LRBA: variants seen among roughly 807,000 people sequenced by gnomAD.
LRBA encodes the protein lipopolysaccharide-responsive and beige-like anchor protein.
Under a neutral mutation model 330.0 loss-of-function variants are expected in LRBA, and 176 were observed. That is an observed-to-expected ratio of 0.53 (90% CI 0.47 to 0.60). The LOEUF (loss-of-function observed/expected upper bound fraction) is 0.60. LRBA is among the 20% of genes least tolerant of loss of function. LRBA has a pLI of 0.00. For missense variants in LRBA, 3,259 were observed against 3,444.8 expected, an observed-to-expected ratio of 0.95 and a Z score of 1.35; for synonymous variants, 1,230 against 1,193.0, an observed-to-expected ratio of 1.03 and a Z score of -0.64.
intron 36 of LRBA, among the ~76,000 whole-genome samples, chr4:150,684,676 A>G (rs12509782): frequency 0.12 from 18,338 of 152,200 alleles, 1,315 homozygotes; most frequent in Admixed American, 0.19. Flanking sequence ...ATTGTTTAAA[A>G]TAAGAAAACA....
chr4:150,679,982 T>A (rs1478035643), intron 37 of LRBA, among the ~76,000 whole-genome samples: 2 of 152,160 alleles, frequency 1.3e-5, no homozygotes, highest in Admixed American at 1.3e-4. Flanking sequence ...TTCTCCATCA[T>A]CTCTCCTCAT....
At position 150,692,226 on chromosome 4, in the gene LRBA, G is replaced by A. The variant is rs151124333; in HGVS notation, c.5755-8509C>T. Reference sequence around the variant, plus strand: ...GAAGTGTTTGTTTGTTTGTTTGTTTGTTTGTTTTTTCAGGCAGGATTTCAC... The same window carrying A: ...GAAGTGTTTGTTTGTTTGTTTGTTTATTTGTTTTTTCAGGCAGGATTTCAC... On this transcript the variant is annotated intron_variant, in intron 36 of 56. Coordinates refer to ENST00000651943, the MANE Select transcript of LRBA (RefSeq NM_001364905.1). 4.2e-3 allele frequency among the ~76,000 whole-genome samples: 638 copies of A among 151,182 alleles called. 4 individuals carry two copies. The highest frequency in any genetic ancestry group is 0.014 in the African/African-American group (575 of 40,642).
intron 48 of LRBA, among the ~76,000 whole-genome samples, chr4:150,333,661 T>G (rs1734268765): frequency 6.6e-6 from 1 of 152,198 alleles, no homozygotes; most frequent in African/African-American, 2.4e-5. Flanking sequence ...GAACTTAAAT[T>G]GTAGAACACT....
At chr4:151,005,484 G>T (rs1456282999) in intron 2 of LRBA, among the ~76,000 whole-genome samples, 1 of 136,390 alleles carries the variant, frequency 7.3e-6, no homozygotes, top group Non-Finnish European at 1.5e-5. Context: ...TACCACATTA[G>T]ATGAGAGCTA....
chr4:150,802,374 A>G (rs914994517), intron 33 of LRBA, among the ~76,000 whole-genome samples: 2 of 151,098 alleles, frequency 1.3e-5, no homozygotes, highest in African/African-American at 4.9e-5. Context: ...ATTTTAGTCC[A>G]CAGCATAGTA....
chr4:150,846,011 T>C (rs1234949413), intron 26 of LRBA, among the ~76,000 whole-genome samples: 2 of 152,114 alleles, frequency 1.3e-5, no homozygotes, highest in African/African-American at 2.4e-5. Context: ...CCAGTGTCCA[T>C]CAACAGATAA....
chr4:150,267,608 C>T (rs549972923), intron 56 of LRBA, among the ~76,000 whole-genome samples: 3 of 151,980 alleles, frequency 2.0e-5, no homozygotes, highest in Admixed American at 2.0e-4. Flanking sequence ...TCTTAAGGAA[C>T]TAGAAAACAG....
intron 37 of LRBA, among the ~76,000 whole-genome samples, chr4:150,634,007 C>T (rs77636254): frequency 3.3e-5 from 5 of 151,986 alleles, no homozygotes; most frequent in Admixed American, 6.6e-5. Flanking sequence ...TCCAGTTACT[C>T]GGATGGCTGA....
At chr4:150,417,123 T>C (rs949458927) in intron 46 of LRBA, among the ~76,000 whole-genome samples, 1 of 152,052 alleles carries the variant, frequency 6.6e-6, no homozygotes, top group African/African-American at 2.4e-5. Context: ...ATATACAAAG[T>C]GATTTTTAAA....
At chr4:150,592,024 T>C (rs1425073453) in intron 38 of LRBA, among the ~76,000 whole-genome samples, 1 of 151,768 alleles carries the variant, frequency 6.6e-6, no homozygotes, top group African/African-American at 2.4e-5. Flanking sequence ...AATGGTGTCA[T>C]ATAAGGGAAA....
chr4:150,291,149 T>C (rs1223120644), intron 53 of LRBA, among the ~76,000 whole-genome samples: 2 of 139,332 alleles, frequency 1.4e-5, no homozygotes, highest in African/African-American at 5.4e-5. Flanking sequence ...ATATTCCCCT[T>C]CCTGTGTCCA....
intron 47 of LRBA, among the ~76,000 whole-genome samples, chr4:150,372,947 G>A (rs1581140402): frequency 6.6e-6 from 1 of 151,826 alleles, no homozygotes; most frequent in Non-Finnish European, 1.5e-5. Context: ...TGAATCATTT[G>A]ATCTGAGAAA....
intron 2 of LRBA, among the ~76,000 whole-genome samples, chr4:151,011,752 G>A (rs539241927): frequency 2.0e-5 from 3 of 151,618 alleles, no homozygotes; most frequent in Non-Finnish European, 2.9e-5. Flanking sequence ...GTAGCTCACT[G>A]TAGCCTCGAA....
chr4:150,536,476 T>G (rs76535921), intron 40 of LRBA, among the ~76,000 whole-genome samples: 22,938 of 152,160 alleles, frequency 0.15, 1,741 homozygotes, highest in Middle Eastern at 0.18. Context: ...CGGTCGATTT[T>G]GGGGCACAAA....
chr4:150,452,837 C>T (rs1225187617), intron 44 of LRBA, among the ~76,000 whole-genome samples: 1 of 152,076 alleles, frequency 6.6e-6, no homozygotes. Flanking sequence ...TACAAAAAGG[C>T]TGCTAGTAAT....
intron 43 of LRBA, among the ~76,000 whole-genome samples, chr4:150,470,247 T>C (rs574567266): frequency 1.3e-5 from 2 of 152,322 alleles, no homozygotes; most frequent in South Asian, 4.1e-4. Flanking sequence ...CCATTCATTC[T>C]GAAGTCTCCC....
intron 28 of LRBA, among the ~76,000 whole-genome samples, chr4:150,838,952 G>A (rs573297474): frequency 1.4e-4 from 22 of 152,150 alleles, no homozygotes; most frequent in African/African-American, 5.1e-4. Context: ...GAGTGAACAG[G>A]CAACCTACAG....
chr4:150,352,530 C>T (rs1166860318), intron 47 of LRBA, among the ~76,000 whole-genome samples: 2 of 152,234 alleles, frequency 1.3e-5, no homozygotes, highest in Non-Finnish European at 1.5e-5. Flanking sequence ...TTGTTTTAGA[C>T]ATCTCTTCTA....
chr4:150,727,262 C>A (rs895347243), intron 36 of LRBA, among the ~76,000 whole-genome samples: 1 of 151,726 alleles, frequency 6.6e-6, no homozygotes, highest in Admixed American at 6.6e-5. Context: ...TTAGTAGAGA[C>A]GGGGTTTCGC....
Sources: gnomAD v4.1 joint callset for allele counts (sites outside exome capture counted in the v4.1 genomes callset) on GRCh38, gnomAD v4.1.1 for gene constraint, MANE v1.5 for transcripts, NCBI Gene and HGNC (gene_info 2026-07-23, HGNC 2026-07-21) for gene names.